ENTREP2: variants seen among roughly 807,000 people sequenced by gnomAD.
ENTREP2 encodes protein ENTREP2.
chr15:29,157,393 G>A, the ENTREP2 span, among the ~76,000 whole-genome samples: 1 of 152,192 alleles, frequency 6.6e-6, no homozygotes, highest in Admixed American at 6.5e-5. Context: ...CTACAGAAGA[G>A]GGCATTTCTT....
chr15:29,161,707 G>A, the ENTREP2 span, among the ~76,000 whole-genome samples: 1 of 152,158 alleles, frequency 6.6e-6, no homozygotes, highest in African/African-American at 2.4e-5. Flanking sequence ...TGAATTGTAA[G>A]TTCAGACTAG....
chr15:29,620,617 G>A, the ENTREP2 span, among the ~76,000 whole-genome samples: 3 of 152,038 alleles, frequency 2.0e-5, no homozygotes, highest in African/African-American at 4.8e-5. Flanking sequence ...CAGCCTGGGC[G>A]ACAGAGTGAG....
At chr15:29,256,112 A>G in the ENTREP2 span, among the ~76,000 whole-genome samples, 6,019 of 152,110 alleles carry the variant, frequency 0.04, 396 homozygotes, top group African/African-American at 0.14. Context: ...ATATATTCTC[A>G]CTTATAGGGT....
chr15:29,216,794 A>T, the ENTREP2 span, among the ~76,000 whole-genome samples: 10,157 of 152,270 alleles, frequency 0.067, 1,172 homozygotes, highest in African/African-American at 0.23. Flanking sequence ...TACAAAAGTA[A>T]AAAGATGTAA....
chr15:29,514,738 G>T, the ENTREP2 span, among the ~76,000 whole-genome samples: 1 of 152,140 alleles, frequency 6.6e-6, no homozygotes, highest in East Asian at 1.9e-4. Context: ...AACTGCAGAG[G>T]ACTCAATATC....
At chr15:29,127,834 C>T in the ENTREP2 span, among the ~76,000 whole-genome samples, 1 of 152,186 alleles carries the variant, frequency 6.6e-6, no homozygotes, top group South Asian at 2.1e-4. Context: ...TGGAATGCTG[C>T]AGGTGTGGCC....
the ENTREP2 span, among the ~76,000 whole-genome samples, chr15:29,276,864 G>C: frequency 2.2e-4 from 33 of 152,200 alleles, no homozygotes; most frequent in African/African-American, 7.5e-4. Context: ...TGAGACTTTG[G>C]AGCTAGGGAA....
At chr15:29,398,804 C>CCACT in the ENTREP2 span, among the ~76,000 whole-genome samples, 17,989 of 152,156 alleles carry the variant, frequency 0.12, 1,375 homozygotes, top group Non-Finnish European at 0.17. Flanking sequence ...CCCAAGGTCC[C>CCACT]CACTCCCTGG....
chr15:29,221,165 C>T, the ENTREP2 span, among the ~76,000 whole-genome samples: 1 of 152,040 alleles, frequency 6.6e-6, no homozygotes, highest in African/African-American at 2.4e-5. Context: ...GTTCCTACAG[C>T]CCTGGGAATT....
chr15:29,492,510 A>C, the ENTREP2 span, among the ~76,000 whole-genome samples: 1 of 151,976 alleles, frequency 6.6e-6, no homozygotes, highest in East Asian at 1.9e-4. Flanking sequence ...GTTCTATAAA[A>C]CTCTAAGAAG....
chr15:29,475,196 G>A, the ENTREP2 span, among the ~76,000 whole-genome samples: 3 of 152,160 alleles, frequency 2.0e-5, no homozygotes, highest in Non-Finnish European at 4.4e-5. Context: ...TCACTGCACA[G>A]ATGCCAATAA....
the ENTREP2 span, among the ~76,000 whole-genome samples, chr15:29,412,502 T>C: frequency 5.9e-5 from 9 of 152,300 alleles, no homozygotes; most frequent in Non-Finnish European, 4.4e-5. Context: ...ACTTTCAATG[T>C]TTCCTCATTA....
chr15:29,609,857 T>C, the ENTREP2 span: 1 of 150,472 alleles, frequency 6.6e-6, no homozygotes, highest in Non-Finnish European at 1.5e-5. Flanking sequence ...CAAAAATATT[T>C]GCTAATTTGA....
chr15:29,362,442 T>G, the ENTREP2 span, among the ~76,000 whole-genome samples: 3 of 143,340 alleles, frequency 2.1e-5, no homozygotes, highest in Non-Finnish European at 4.5e-5. Context: ...TGGCGCGATC[T>G]CGGCTCACTG....
the ENTREP2 span, among the ~76,000 whole-genome samples, chr15:29,168,171 T>C: frequency 2.0e-5 from 3 of 152,008 alleles, no homozygotes; most frequent in African/African-American, 7.3e-5. Context: ...AATGATACAA[T>C]GGGGAGAATA....
the ENTREP2 span, among the ~76,000 whole-genome samples, chr15:29,281,179 T>C: frequency 5.1e-3 from 773 of 152,352 alleles, 6 homozygotes; most frequent in African/African-American, 0.018. Context: ...TTACGCTTAA[T>C]CCTTTGTGCC....
chr15:29,128,691 A>AAAGAGAAGAG, the ENTREP2 span: 1 of 943,760 alleles, frequency 1.1e-6, no homozygotes, highest in Non-Finnish European at 1.7e-6. Context: ...GGAGGAGGAA[A>AAAGAGAAGAG]AAGAGAAGAG....
the ENTREP2 span, among the ~76,000 whole-genome samples, chr15:29,525,726 G>A: frequency 1.7e-4 from 26 of 152,312 alleles, no homozygotes; most frequent in East Asian, 1.9e-3. Context: ...GTTGGTGGCT[G>A]GCATGGGTTT....
the ENTREP2 span, among the ~76,000 whole-genome samples, chr15:29,515,371 A>T: frequency 1.3e-5 from 2 of 152,218 alleles, no homozygotes; most frequent in Admixed American, 6.5e-5. Context: ...GAAGAGAGAC[A>T]GAACGCACCC....
Sources: gnomAD v4.1 joint callset for allele counts (sites outside exome capture counted in the v4.1 genomes callset) on GRCh38, gnomAD v4.1.1 for gene constraint, MANE v1.5 for transcripts, NCBI Gene and HGNC (gene_info 2026-07-23, HGNC 2026-07-21) for gene names.